Variants in GATA4 observed in about 807,000 individuals in gnomAD.
GATA4 encodes the protein transcription factor GATA-4.
In GATA4, 7 loss-of-function variants were observed where a neutral mutation model predicts 37.9. The ratio of observed to expected loss-of-function variants is 0.18; its 90% CI spans 0.11 to 0.35. The LOEUF is 0.35. GATA4 is among the 10% of genes least tolerant of loss of function. The pLI is 1.00. For missense variants in GATA4, 647 were observed against 653.0 expected, an observed-to-expected ratio of 0.99 and a Z score of 0.10; for synonymous variants, 372 against 292.6, an observed-to-expected ratio of 1.27 and a Z score of -2.77.
At chr8:11,711,701 C>T (rs780004398) in intron 2 of GATA4, among the ~76,000 whole-genome samples, 1 of 148,482 alleles carries the variant, frequency 6.7e-6, no homozygotes, top group Non-Finnish European at 1.5e-5. Context: ...CACATGAGCC[C>T]GAGGCCACTG....
intron 2 of GATA4, among the ~76,000 whole-genome samples, chr8:11,725,356 T>C (rs997412302): frequency 1.8e-4 from 28 of 152,216 alleles, no homozygotes; most frequent in African/African-American, 6.8e-4. Flanking sequence ...GGAAAGACTG[T>C]CTCACCCCCA....
chr8:11,744,182 CCCT>C (rs1352229338), intron 2 of GATA4, among the ~76,000 whole-genome samples: 22 of 152,148 alleles, frequency 1.4e-4, no homozygotes, highest in Admixed American at 1.2e-3. Flanking sequence ...ATCTGTCCTC[CCCT>C]CCTCCAATAA....
intron 2 of GATA4, among the ~76,000 whole-genome samples, chr8:11,726,194 A>G (rs1800915658): frequency 6.6e-6 from 1 of 152,188 alleles, no homozygotes; most frequent in African/African-American, 2.4e-5. Context: ...CCTCTGTGAA[A>G]GGCTCTGCTG....
intron 2 of GATA4, among the ~76,000 whole-genome samples, chr8:11,732,656 A>T (rs1222964027): frequency 6.6e-6 from 1 of 152,222 alleles, no homozygotes. Flanking sequence ...GAGGAAGAGG[A>T]GCCGACGGAA....
intron 2 of GATA4, among the ~76,000 whole-genome samples, chr8:11,720,475 G>A (rs761020583): frequency 6.6e-6 from 1 of 152,182 alleles, no homozygotes; most frequent in Non-Finnish European, 1.5e-5. Flanking sequence ...AGATTTGGGG[G>A]TGCATGTGAA....
At chr8:11,712,689 C>CCAA (rs1800245024) in intron 2 of GATA4, among the ~76,000 whole-genome samples, 1 of 97,006 alleles carries the variant, frequency 1.0e-5, no homozygotes, top group African/African-American at 7.2e-5. Context: ...GACCACATCT[C>CCAA]TAAAAAAAAA....
At chr8:11,714,215 A>G (rs1352349075) in intron 2 of GATA4, among the ~76,000 whole-genome samples, 1 of 152,266 alleles carries the variant, frequency 6.6e-6, no homozygotes, top group Non-Finnish European at 1.5e-5. Context: ...AGGATTTCAA[A>G]AAGTTTGAAT....
At chr8:11,745,377 C>T (rs1801978814) in intron 2 of GATA4, among the ~76,000 whole-genome samples, 2 of 137,332 alleles carry the variant, frequency 1.5e-5, no homozygotes, top group Admixed American at 7.6e-5. Context: ...AGTTCAAGAC[C>T]AGTCTGTACA....
At chr8:11,720,313 A>G (rs1800614997) in intron 2 of GATA4, among the ~76,000 whole-genome samples, 1 of 151,988 alleles carries the variant, frequency 6.6e-6, no homozygotes, top group Admixed American at 6.5e-5. Context: ...AGGCCACATT[A>G]ACATTAAGCC....
intron 2 of GATA4, among the ~76,000 whole-genome samples, chr8:11,735,094 ACTGTATCTG>A (rs536354490): frequency 8.1e-4 from 123 of 152,386 alleles, no homozygotes; most frequent in South Asian, 3.7e-3. Context: ...AGAGGCATCT[ACTGTATCTG>A]CAATGTTGTA....
chr8:11,682,402 CT>C (rs1261049505), intron 1 of GATA4, among the ~76,000 whole-genome samples: 5 of 152,108 alleles, frequency 3.3e-5, no homozygotes, highest in Admixed American at 6.5e-5. Flanking sequence ...AACAATTCGT[CT>C]TTTTTGTAGA....
At chr8:11,725,814 A>G (rs1800894417) in intron 2 of GATA4, among the ~76,000 whole-genome samples, 1 of 152,204 alleles carries the variant, frequency 6.6e-6, no homozygotes, top group Non-Finnish European at 1.5e-5. Flanking sequence ...CAGAAGGTGC[A>G]TCTTGCAAGT....
chr8:11,718,065 A>G (rs1293401877), intron 2 of GATA4, among the ~76,000 whole-genome samples: 1 of 152,206 alleles, frequency 6.6e-6, no homozygotes, highest in African/African-American at 2.4e-5. Flanking sequence ...TTTCAAATAT[A>G]TTTGTGGTAA....
At chr8:11,754,631 C>T (rs1802462508) in intron 4 of GATA4, among the ~76,000 whole-genome samples, 1 of 152,222 alleles carries the variant, frequency 6.6e-6, no homozygotes, top group African/African-American at 2.4e-5. Context: ...TTTACAAACT[C>T]AGGTGTCACC....
chr8:11,710,750 A>G (rs959299094), intron 2 of GATA4, among the ~76,000 whole-genome samples: 7 of 151,038 alleles, frequency 4.6e-5, no homozygotes, highest in African/African-American at 1.7e-4. Context: ...TGTAACCCCG[A>G]CAATCCTGGA....
At chr8:11,745,585 C>G (rs1246941667) in intron 2 of GATA4, among the ~76,000 whole-genome samples, 1 of 151,160 alleles carries the variant, frequency 6.6e-6, no homozygotes, top group East Asian at 2.0e-4. Flanking sequence ...GACCCTGTCT[C>G]ACAAAAAGTT....
chr8:11,733,524 A>G (rs998939994), intron 2 of GATA4, among the ~76,000 whole-genome samples: 1 of 152,232 alleles, frequency 6.6e-6, no homozygotes, highest in African/African-American at 2.4e-5. Context: ...GCTGTGGCAT[A>G]AAAAGATTGG....
intron 6 of GATA4, among the ~76,000 whole-genome samples, chr8:11,758,079 A>G (rs1802694460): frequency 6.6e-6 from 1 of 152,206 alleles, no homozygotes; most frequent in Admixed American, 6.5e-5. Context: ...CCCTGGTTGT[A>G]TACTGTGCTC....
chr8:11,683,009 G>C (rs1799021843), intron 1 of GATA4: 1 of 946,662 alleles, frequency 1.1e-6, no homozygotes, highest in Non-Finnish European at 1.3e-6. Flanking sequence ...GAAGAGTCTT[G>C]AGGTGGAAAC....
Sources: allele counts gnomAD v4.1 joint callset (sites outside exome capture counted in the v4.1 genomes callset), GRCh38; gene constraint gnomAD v4.1.1; transcripts MANE v1.5; gene names NCBI Gene and HGNC (gene_info 2026-07-23, HGNC 2026-07-21).